The following SCFD2 variants were observed in gnomAD, a reference collection of about 807,000 sequenced individuals.
The protein encoded by SCFD2 is sec1 family domain-containing protein 2.
In SCFD2, 54 loss-of-function variants were observed where a neutral mutation model predicts 58.9. The observed-to-expected ratio is 0.92, with a 90% CI of 0.74 to 1.15. The LOEUF is 1.15. SCFD2 is among the 50% of genes most tolerant of loss of function. The pLI is 0.00. For synonymous variants in SCFD2, 321 were observed against 335.9 expected, an observed-to-expected ratio of 0.96 and a Z score of 0.49; for missense variants, 805 against 836.6, an observed-to-expected ratio of 0.96 and a Z score of 0.47.
chr4:53,042,875 C>T (rs1488472538), intron 5 of SCFD2, among the ~76,000 whole-genome samples: 1 of 151,948 alleles, frequency 6.6e-6, no homozygotes, highest in Non-Finnish European at 1.5e-5. Context: ...AAATGCTATC[C>T]CTGGTTTGTC....
intron 5 of SCFD2, among the ~76,000 whole-genome samples, chr4:53,065,626 T>C (rs1723642459): frequency 1.3e-5 from 2 of 152,242 alleles, no homozygotes; most frequent in Middle Eastern, 3.4e-3. Context: ...TAGGTCAACA[T>C]TATTCAAGAG....
chr4:53,088,682 T>C (rs1724382369), intron 5 of SCFD2, among the ~76,000 whole-genome samples: 1 of 152,184 alleles, frequency 6.6e-6, no homozygotes, highest in South Asian at 2.1e-4. Flanking sequence ...AATCATATCT[T>C]GAGTCTCACC....
At chr4:53,257,429 A>C (rs895546356) in intron 4 of SCFD2, among the ~76,000 whole-genome samples, 1 of 152,290 alleles carries the variant, frequency 6.6e-6, no homozygotes, top group African/African-American at 2.4e-5. Flanking sequence ...GGCGCCTCCT[A>C]AGCGGAGAAG....
chr4:52,997,166 G>A (rs771724525), intron 5 of SCFD2, among the ~76,000 whole-genome samples: 10 of 152,166 alleles, frequency 6.6e-5, no homozygotes, highest in Non-Finnish European at 1.2e-4. Context: ...GAAATCTTTA[G>A]GACTGAACCC....
chr4:53,339,843 A>C (rs1369676587), intron 2 of SCFD2, among the ~76,000 whole-genome samples: 3 of 152,350 alleles, frequency 2.0e-5, no homozygotes, highest in Non-Finnish European at 2.9e-5. Context: ...ACTCACAGAA[A>C]GACTGGATAA....
At chr4:52,926,574 A>G (rs144384456) in intron 5 of SCFD2, among the ~76,000 whole-genome samples, 14 of 152,232 alleles carry the variant, frequency 9.2e-5, no homozygotes, top group African/African-American at 2.4e-4. Flanking sequence ...GGCCCCTCAC[A>G]TCTGTTTGGG....
chr4:52,944,268 A>G (rs941042843), intron 5 of SCFD2, among the ~76,000 whole-genome samples: 1 of 152,202 alleles, frequency 6.6e-6, no homozygotes, highest in African/African-American at 2.4e-5. Context: ...TTGTCAAAAG[A>G]TTTCCATACT....
chr4:53,088,228 A>G (rs1172876058), intron 5 of SCFD2, among the ~76,000 whole-genome samples: 1 of 152,184 alleles, frequency 6.6e-6, no homozygotes, highest in Admixed American at 6.5e-5. Context: ...ACAATGGAAG[A>G]ATGACCCCAA....
intron 3 of SCFD2, among the ~76,000 whole-genome samples, chr4:53,287,207 G>A (rs1176278291): frequency 1.3e-5 from 2 of 152,064 alleles, no homozygotes; most frequent in Non-Finnish European, 2.9e-5. Flanking sequence ...CACATCACAG[G>A]TGTCACAGTA....
intron 5 of SCFD2, among the ~76,000 whole-genome samples, chr4:53,008,028 C>A (rs748770950): frequency 5.3e-5 from 8 of 152,158 alleles, no homozygotes; most frequent in Non-Finnish European, 1.2e-4. Context: ...CAGTCAAAGT[C>A]TCTGCAGGAA....
intron 2 of SCFD2, among the ~76,000 whole-genome samples, chr4:53,350,105 T>C (rs1734170022): frequency 6.6e-6 from 1 of 152,236 alleles, no homozygotes; most frequent in African/African-American, 2.4e-5. Flanking sequence ...AAAGGTCCTC[T>C]GTAAGTGTGT....
intron 4 of SCFD2, among the ~76,000 whole-genome samples, chr4:53,247,595 C>A (rs1394432680): frequency 3.3e-5 from 5 of 151,482 alleles, no homozygotes; most frequent in African/African-American, 9.7e-5. Context: ...CGCGGTGGCT[C>A]ACGCCTGTAA....
chr4:52,998,658 C>G (rs1721797456), intron 5 of SCFD2, among the ~76,000 whole-genome samples: 1 of 152,154 alleles, frequency 6.6e-6, no homozygotes, highest in African/African-American at 2.4e-5. Context: ...GGTAAGATCA[C>G]CCAAAAAGAA....
intron 5 of SCFD2, among the ~76,000 whole-genome samples, chr4:53,041,381 G>A (rs962908322): frequency 1.3e-5 from 2 of 152,094 alleles, no homozygotes; most frequent in African/African-American, 4.8e-5. Flanking sequence ...CACATAACTT[G>A]GTAGATTTAA....
At position 53,313,620 on chromosome 4, in the gene SCFD2, C is replaced by T; in HGVS notation, c.1135+16G>A. 1 of 1,613,676 alleles carries T rather than the reference C, an allele frequency of 6.2e-7. No individual in the cohort carries two copies. Among genetic ancestry groups the T allele is most frequent in the Non-Finnish European group, 8.5e-7 (1 of 1,179,714 alleles). ...AGCTTCCTCAGAGGCTGCCTGTGTC[C>T]TAGGTTTAGGCTTACCCATACTCAT... On this transcript the variant is annotated intron_variant, in intron 3 of 8. Coordinates refer to ENST00000401642, the MANE Select transcript of SCFD2 (RefSeq NM_152540.4).
At chr4:52,931,888 C>T (rs965908615) in intron 5 of SCFD2, among the ~76,000 whole-genome samples, 2 of 152,150 alleles carry the variant, frequency 1.3e-5, no homozygotes, top group African/African-American at 4.8e-5. Flanking sequence ...CACGCTGTCT[C>T]CCCCTGTATT....
chr4:52,945,391 C>G (rs190307902), intron 5 of SCFD2, among the ~76,000 whole-genome samples: 2 of 152,206 alleles, frequency 1.3e-5, no homozygotes, highest in South Asian at 2.1e-4. Flanking sequence ...TTTTATATCC[C>G]CAGCCCACAC....
At chr4:53,183,202 C>A (rs1316102418) in intron 4 of SCFD2, among the ~76,000 whole-genome samples, 2 of 152,108 alleles carry the variant, frequency 1.3e-5, no homozygotes, top group Non-Finnish European at 2.9e-5. Context: ...CACACGCACA[C>A]GTATGTTTAT....
intron 5 of SCFD2, among the ~76,000 whole-genome samples, chr4:53,042,503 A>G (rs1215258269): frequency 6.6e-6 from 1 of 152,168 alleles, no homozygotes; most frequent in Non-Finnish European, 1.5e-5. Flanking sequence ...GAGAAAAAGG[A>G]AATATGTACT....
Sources: gnomAD v4.1 joint callset for allele counts (sites outside exome capture counted in the v4.1 genomes callset) on GRCh38, gnomAD v4.1.1 for gene constraint, MANE v1.5 for transcripts, NCBI Gene and HGNC (gene_info 2026-07-23, HGNC 2026-07-21) for gene names.